Variants in AZIN2 observed in about 807,000 individuals in gnomAD.
The protein encoded by AZIN2 is ODC antizyme inhibitor-2.
In AZIN2, 28 loss-of-function variants were observed where a neutral mutation model predicts 47.8. The ratio of observed to expected loss-of-function variants is 0.59; its 90% CI spans 0.43 to 0.80. The LOEUF is 0.80. Ranked by LOEUF, AZIN2 falls within the 30% of genes least tolerant of loss-of-function variation. The pLI, the probability that AZIN2 is intolerant of heterozygous loss-of-function variation, is 0.00. For missense variants in AZIN2, 535 were observed against 582.5 expected (o/e 0.92, Z 0.84); for synonymous variants, 221 against 239.4 (o/e 0.92, Z 0.71).
At chr1:33,109,327 C>CTTTTTT (rs1231170138) in intron 10 of AZIN2, among the ~76,000 whole-genome samples, 11 of 137,992 alleles carry the variant, frequency 8.0e-5, no homozygotes, top group Non-Finnish European at 7.9e-5. Context: ...TTTTCTTTTT[C>CTTTTTT]TTTTTTTTTT....
chr1:33,090,690 C>A (rs998874366), intron 5 of AZIN2, among the ~76,000 whole-genome samples: 6 of 152,194 alleles, frequency 3.9e-5, no homozygotes, highest in Admixed American at 1.3e-4. Context: ...CACATACTTA[C>A]CTTTTTTTGT....
the AZIN2 span, among the ~76,000 whole-genome samples, chr1:33,151,174 A>C: frequency 7.2e-5 from 11 of 152,084 alleles, no homozygotes; most frequent in African/African-American, 2.7e-4. Flanking sequence ...AGACAAAGAT[A>C]AGCCTGCAGA....
At chr1:33,147,189 G>A in the AZIN2 span, 11 of 1,613,506 alleles carry the variant, frequency 6.8e-6, no homozygotes, top group East Asian at 2.2e-5. The surrounding 1 kb of genome is among the most constrained non-coding windows in gnomAD (Gnocchi z 8.1). Flanking sequence ...AGATGCGGAC[G>A]GTGTTGATCC....
At chr1:33,098,710 A>T (rs1643407031) in intron 10 of AZIN2, among the ~76,000 whole-genome samples, 1 of 152,110 alleles carries the variant, frequency 6.6e-6, no homozygotes. Flanking sequence ...TGAGAGGATA[A>T]AGAAAACCAG....
At chr1:33,134,722 G>A in the AZIN2 span, among the ~76,000 whole-genome samples, 1 of 152,232 alleles carries the variant, frequency 6.6e-6, no homozygotes, top group Admixed American at 6.5e-5. Flanking sequence ...GGGTCTCTGG[G>A]TTCTTGGCCC....
At chr1:33,159,079 A>G in the AZIN2 span, among the ~76,000 whole-genome samples, 1 of 151,884 alleles carries the variant, frequency 6.6e-6, no homozygotes, top group Non-Finnish European at 1.5e-5. This position sits in a 1 kb window ranked among gnomAD's most constrained non-coding sequence, Gnocchi z 4.2. Flanking sequence ...TCCTGACCTC[A>G]GGTAATCCAC....
intron 7 of AZIN2, 53 bp downstream of exon 7, chr1:33,093,469 T>C: frequency 6.3e-7 from 1 of 1,588,842 alleles, no homozygotes; most frequent in Non-Finnish European, 8.6e-7. Flanking sequence ...CCCTGCCTCT[T>C]TCCCAGGAAT....
At chr1:33,082,887 C>A (rs1641447773) in intron 4 of AZIN2, 1 of 153,554 alleles carries the variant, frequency 6.5e-6, no homozygotes, top group South Asian at 2.0e-4. Flanking sequence ...TCCTTCGGAG[C>A]TGAATGACTC....
the AZIN2 span, among the ~76,000 whole-genome samples, chr1:33,150,326 G>C: frequency 2.6e-5 from 4 of 152,336 alleles, no homozygotes; most frequent in East Asian, 5.8e-4. Context: ...TGGCTGCACT[G>C]ATGTGCAGAA....
chr1:33,088,726 T>C (rs1159415220), intron 5 of AZIN2, among the ~76,000 whole-genome samples: 1 of 152,168 alleles, frequency 6.6e-6, no homozygotes, highest in Non-Finnish European at 1.5e-5. Context: ...CACAGACCAC[T>C]TCCTCTACTG....
At chr1:33,153,817 C>A in the AZIN2 span, among the ~76,000 whole-genome samples, 1 of 152,226 alleles carries the variant, frequency 6.6e-6, no homozygotes, top group Non-Finnish European at 1.5e-5. Flanking sequence ...AGAACTGAGA[C>A]TAGGATCCAT....
chr1:33,107,090 C>G (rs1305134137), intron 10 of AZIN2, among the ~76,000 whole-genome samples: 1 of 151,638 alleles, frequency 6.6e-6, no homozygotes, highest in Non-Finnish European at 1.5e-5. Flanking sequence ...AGTTCAAGAC[C>G]ACCCTGGCCA....
chr1:33,098,081 AC>A lies in AZIN2; in HGVS notation c.933del (p.Ser312ProfsTer67). Reference protein sequence around the residue: ...QPGREEENGSTSKTIVYHLDE... With the variant: ...QPGREEENGSXSKTIVYHLDE... Reference sequence around the variant, plus strand: ...CCCTCCTGCAGAGGAAAATGGTTCCACCTCCAAGACCATCGTGTACCACCTT... The same window carrying A: ...CCCTCCTGCAGAGGAAAATGGTTCCACTCCAAGACCATCGTGTACCACCTT... On this transcript the variant is annotated frameshift_variant, in exon 10 of 12. Transcript: ENST00000294517. LOFTEE classifies it high-confidence loss of function. 6.2e-7 allele frequency: 1 copy of A among 1,613,758 alleles called. No individual in the cohort carries two copies. The highest frequency in any genetic ancestry group is 8.5e-7 in the Non-Finnish European group (1 of 1,179,910).
At chr1:33,158,812 A>C in the AZIN2 span, among the ~76,000 whole-genome samples, 2 of 152,114 alleles carry the variant, frequency 1.3e-5, no homozygotes, top group East Asian at 3.9e-4. Context: ...CAACTGATGT[A>C]GCTTTTCAGA....
intron 10 of AZIN2, among the ~76,000 whole-genome samples, chr1:33,103,970 C>T (rs1298296582): frequency 2.0e-5 from 3 of 151,802 alleles, no homozygotes; most frequent in Non-Finnish European, 4.4e-5. Flanking sequence ...GCAACCTCTG[C>T]CTCCCGGGTT....
chr1:33,139,848 G>A, the AZIN2 span, among the ~76,000 whole-genome samples: 28 of 152,244 alleles, frequency 1.8e-4, no homozygotes, highest in Admixed American at 1.4e-3. Context: ...CTGCCATATG[G>A]TGTCATGAGA....
chr1:33,161,944 C>T, the AZIN2 span, among the ~76,000 whole-genome samples: 2 of 152,158 alleles, frequency 1.3e-5, no homozygotes, highest in Admixed American at 6.5e-5. The surrounding 1 kb of genome is among the most constrained non-coding windows in gnomAD (Gnocchi z 4.3). Flanking sequence ...CCCCCATTTT[C>T]AACTTGAACT....
chr1:33,121,078 C>CA lies in AZIN2; in HGVS notation c.*897dup, dbSNP rs1168652551. On this transcript the variant is annotated 3_prime_UTR_variant, in exon 12 of 12. Coordinates refer to ENST00000294517, the MANE Select transcript of AZIN2 (RefSeq NM_052998.4). ...CAGCCCTGGCATCCCCTGAGACTGGCAGTGCTTATCAGGACAAAGGCTCCT... is the reference window on the plus strand; with the variant it reads ...CAGCCCTGGCATCCCCTGAGACTGGCAAGTGCTTATCAGGACAAAGGCTCCT... Among the ~76,000 whole-genome samples, 12 of 152,192 alleles carry CA rather than the reference C, an allele frequency of 7.9e-5. No homozygotes were observed. Among genetic ancestry groups the CA allele is most frequent in the Non-Finnish European group, 1.2e-4 (8 of 68,032 alleles).
In AZIN2 at chr1:33,120,312, C is replaced by A. The variant is rs1644765404; in HGVS notation, c.*130C>A. On this transcript the variant is annotated 3_prime_UTR_variant, in exon 12 of 12. Transcript: ENST00000294517. Reference sequence around the variant, plus strand: ...CCCACCCTGCCACCCCCGCGCTCCACCTGCAGTGTTTCTGCCCTGTAAATA... The same window carrying A: ...CCCACCCTGCCACCCCCGCGCTCCAACTGCAGTGTTTCTGCCCTGTAAATA... 1.5e-6 allele frequency: 2 copies of A among 1,302,726 alleles called. No homozygotes were observed. Among genetic ancestry groups the A allele is most frequent in the African/African-American group, 1.5e-5 (1 of 67,656 alleles). The allele number at this position is 1,302,726 out of a possible 1,614,324, so 80.7% of individuals were successfully genotyped here. A position where few individuals can be genotyped will look rare whatever the true frequency, so the allele number is the denominator to read the frequency against.
Sources: allele counts gnomAD v4.1 joint callset (sites outside exome capture counted in the v4.1 genomes callset), GRCh38; gene constraint gnomAD v4.1.1; non-coding constraint Gnocchi (gnomAD v3.1); transcripts MANE v1.5; gene names NCBI Gene and HGNC (gene_info 2026-07-23, HGNC 2026-07-21).